Variants in PTCD3 observed in about 807,000 individuals in gnomAD.
PTCD3 encodes the protein small ribosomal subunit protein mS39.
In PTCD3, 89 loss-of-function variants were observed where a neutral mutation model predicts 101.9. The ratio of observed to expected loss-of-function variants is 0.87; its 90% CI spans 0.74 to 1.04. The LOEUF (loss-of-function observed/expected upper bound fraction) is 1.04. PTCD3 is among the 50% of genes least tolerant of loss of function. The probability of loss-of-function intolerance (pLI) is 0.00; values close to 1 mark genes in which losing one functional copy is unlikely to be tolerated. For synonymous variants in PTCD3, 296 were observed against 278.5 expected (o/e 1.06, Z -0.63); for missense variants, 870 against 828.2 (o/e 1.05, Z -0.62).
chr2:86,117,187 A>G (rs1674191932), intron 6 of PTCD3, 28 bp downstream of exon 6: 4 of 820,242 alleles, frequency 4.9e-6, no homozygotes, highest in Non-Finnish European at 8.4e-6. Context: ...CATTATTTAC[A>G]TAATACTATT....
intron 15 of PTCD3, 50 bp downstream of exon 15, chr2:86,130,787 G>C (rs1396540814): frequency 6.2e-7 from 1 of 1,601,494 alleles, no homozygotes; most frequent in African/African-American, 1.3e-5. Flanking sequence ...CAGAGGGCCG[G>C]TTTACCTGAG....
intron 21 of PTCD3, 131 bp downstream of exon 21, chr2:86,135,118 A>C (rs942530472): frequency 9.3e-7 from 1 of 1,070,754 alleles, no homozygotes; most frequent in Non-Finnish European, 1.3e-6. Flanking sequence ...GCAAATACCA[A>C]CTAAAAAGCA....
intron 4 of PTCD3, among the ~76,000 whole-genome samples, chr2:86,116,068 G>T (rs1010884648): frequency 6.6e-6 from 1 of 152,154 alleles, no homozygotes; most frequent in African/African-American, 2.4e-5. Context: ...CATAATTAAA[G>T]GCAAGTCTTG....
At chr2:86,118,861 CAGTTA>C (rs1674227254) in intron 6 of PTCD3, 55 bp from the exon 7 acceptor site, 1 of 1,556,518 alleles carries the variant, frequency 6.4e-7, no homozygotes, top group Non-Finnish European at 8.7e-7. Flanking sequence ...TTGTCCTACT[CAGTTA>C]TCCTTCCCTC....
At chr2:86,108,590 G>C in intron 3 of PTCD3, 54 bp downstream of exon 3, 1 of 1,503,010 alleles carries the variant, frequency 6.7e-7, no homozygotes. Flanking sequence ...TACTATGAGA[G>C]AAGTGTAAGG....
At chr2:86,125,634 A>C in intron 11 of PTCD3, 119 bp downstream of exon 11, 1 of 1,173,782 alleles carries the variant, frequency 8.5e-7, no homozygotes, top group Non-Finnish European at 1.2e-6. Context: ...TGAGGCGTAG[A>C]TGATTGAAGC....
At chr2:86,114,670 C>G (rs1327509924) in intron 4 of PTCD3, among the ~76,000 whole-genome samples, 1 of 152,228 alleles carries the variant, frequency 6.6e-6, no homozygotes, top group Non-Finnish European at 1.5e-5. Flanking sequence ...AATGGCAACT[C>G]CATTCTTATA....
rs1304215847 is a variant in PTCD3 at position 86,131,121 on chromosome 2, T to G, written c.1266+15T>G. 6.3e-7 allele frequency: 1 copy of G among 1,577,172 alleles called. No homozygotes were observed. The highest frequency in any genetic ancestry group is 1.2e-5 in the South Asian group (1 of 85,752). Reference sequence around the variant, plus strand: ...CCATGAGCATAGTAAGTATCATTTCTTTATTAATTTGCTATCCATTTCCTA... The same window carrying G: ...CCATGAGCATAGTAAGTATCATTTCGTTATTAATTTGCTATCCATTTCCTA... On this transcript the variant is annotated intron_variant, in intron 16 of 23. Coordinates refer to ENST00000254630, the MANE Select transcript of PTCD3 (RefSeq NM_017952.6).
At position 86,121,456 on chromosome 2, in the gene PTCD3, A is replaced by G. The variant is rs971295633; in HGVS notation, c.539-23A>G. On this transcript the variant is annotated intron_variant, in intron 7 of 23. Coordinates refer to ENST00000254630, the MANE Select transcript of PTCD3 (RefSeq NM_017952.6). ...TTCTTCATTGTTTCAAGGTTTCTTT[A>G]TCTTTCTGTCTCTTACCCACAGGAA... is the stretch of plus-strand genomic sequence containing the variant. 4.8e-6 allele frequency: 7 copies of G among 1,452,056 alleles called. 1 individual carries two copies. In the Admixed American group the frequency reaches 1.1e-4, roughly 22 times the overall value. 89.9% of individuals were successfully genotyped at this position (1,452,056 alleles called of 1,614,324 possible). A position where few individuals can be genotyped will look rare whatever the true frequency, so the allele number is the denominator to read the frequency against.
Position 86,127,205 on chromosome 2 carries a change from T to G in PTCD3, c.996T>G (p.Leu332=), listed in dbSNP as rs1573855551. Residue 332 remains leucine, a synonymous_variant, in exon 13 of 24, where the codon CTT becomes CTG. Coordinates refer to ENST00000254630, the MANE Select transcript of PTCD3 (RefSeq NM_017952.6). ...TTGCACAGAAGGTGAAACCAAATCTTCAGACTTTTAATACCATTCTGAAAT... is the reference window on the plus strand; with the variant it reads ...TTGCACAGAAGGTGAAACCAAATCTGCAGACTTTTAATACCATTCTGAAAT... ...HMVAQKVKPN[L]QTFNTILKCL... is the part of the protein sequence containing the mutation. 6.2e-7 allele frequency: 1 copy of G among 1,613,894 alleles called. No homozygotes were observed. Among genetic ancestry groups the G allele is most frequent in the East Asian group, 2.2e-5 (1 of 44,878 alleles).
intron 21 of PTCD3, chr2:86,135,727 A>G (rs939383513): frequency 9.2e-6 from 3 of 326,390 alleles, no homozygotes; most frequent in South Asian, 2.4e-5. Context: ...CTAGTCAGCT[A>G]TCTCCAGGAA....
chr2:86,128,008 A>G lies in PTCD3; in HGVS notation c.1147+17A>G, dbSNP rs1003480005. ...ATCAACCTGGTATGTATGGCCTTAAATTGTGTTAATTTATATAGAAAATTG... is the reference window on the plus strand; with the variant it reads ...ATCAACCTGGTATGTATGGCCTTAAGTTGTGTTAATTTATATAGAAAATTG... On this transcript the variant is annotated intron_variant, in intron 14 of 23. Transcript: ENST00000254630. 2 of 1,570,916 alleles carry G rather than the reference A, an allele frequency of 1.3e-6. No individual in the cohort carries two copies. Among genetic ancestry groups the G allele is most frequent in the Non-Finnish European group, 1.8e-6 (2 of 1,141,618 alleles).
chr2:86,125,049 T>C lies in PTCD3; in HGVS notation c.771T>C (p.His257=), dbSNP rs1338341354. ...CTCTAATGCCAGAGAAAAATGAACA[T>C]TCCTATTGCACAATGATCCGAGGAA... ...IFSLMPEKNE[H]SYCTMIRGMV... is the part of the protein sequence containing the mutation. Residue 257 remains histidine, a synonymous_variant, in exon 10 of 24, where the codon CAT becomes CAC. Coordinates refer to ENST00000254630, the MANE Select transcript of PTCD3 (RefSeq NM_017952.6). 6.2e-7 allele frequency: 1 copy of C among 1,614,134 alleles called. No homozygotes were observed. Among genetic ancestry groups the C allele is most frequent in the East Asian group, 2.2e-5 (1 of 44,880 alleles).
chr2:86,108,833 T>G (rs746512100), intron 3 of PTCD3: 31 of 298,280 alleles, frequency 1.0e-4, no homozygotes, highest in Non-Finnish European at 1.5e-4. Flanking sequence ...ATCATTAGAA[T>G]AATTTTTTTC....
intron 23 of PTCD3, 79 bp from the exon 24 acceptor site, chr2:86,137,383 CAGGCTAT>C (rs761829848): frequency 2.3e-5 from 35 of 1,536,978 alleles, no homozygotes; most frequent in Middle Eastern, 1.7e-4. Flanking sequence ...TCAAAACTGA[CAGGCTAT>C]AGGTGAGTGT....
At chr2:86,131,808 C>T (rs184582023) in intron 16 of PTCD3, among the ~76,000 whole-genome samples, 179 of 152,254 alleles carry the variant, frequency 1.2e-3, no homozygotes, top group African/African-American at 4.1e-3. Context: ...GCAAAAACCG[C>T]AATTACAAAA....
intron 1 of PTCD3, among the ~76,000 whole-genome samples, chr2:86,107,388 G>A (rs1220596701): frequency 6.6e-6 from 1 of 152,196 alleles, no homozygotes; most frequent in Admixed American, 6.5e-5. Context: ...TAACGTAGAG[G>A]GGTATTCTTG....
chr2:86,132,346 C>A lies in PTCD3; in HGVS notation c.1295C>A (p.Ala432Asp), dbSNP rs775408904. Reference protein sequence around the residue: ...ICSSLRDLELAYQVHGLLKTG... With the variant: ...ICSSLRDLELDYQVHGLLKTG... ...TCATCTCTCAGAGATCTAGAACTTG[C>A]CTACCAAGTACATGGCCTTTTAAAA... Residue 432 changes from alanine to aspartate, a missense_variant, in exon 17 of 24, where the codon GCC becomes GAC. Ala to Asp is a moderately radical substitution (Grantham distance 126, BLOSUM62 -2). Transcript: ENST00000254630. 1 of 1,606,466 alleles carries A rather than the reference C, an allele frequency of 6.2e-7. No individual in the cohort carries two copies. Among genetic ancestry groups the A allele is most frequent in the Non-Finnish European group, 8.5e-7 (1 of 1,173,660 alleles).
At chr2:86,107,283 T>A in intron 1 of PTCD3, 1 of 467,522 alleles carries the variant, frequency 2.1e-6, no homozygotes, top group Non-Finnish European at 4.4e-6. Context: ...AAAATAACTG[T>A]GATCTCTGTT....
Sources: allele counts gnomAD v4.1 joint callset (sites outside exome capture counted in the v4.1 genomes callset), GRCh38; gene constraint gnomAD v4.1.1; transcripts MANE v1.5; gene names NCBI Gene and HGNC (gene_info 2026-07-23, HGNC 2026-07-21).